Variants in MED14 observed in about 807,000 individuals in gnomAD.
MED14 encodes the protein mediator complex subunit 14.
MED14 carries 8 observed loss-of-function variants against 109.0 expected under a neutral mutation model. That is an observed-to-expected ratio of 0.07 (90% CI 0.04 to 0.13). MED14 has a LOEUF of 0.13. Ranked by LOEUF, MED14 falls within the 10% of genes least tolerant of loss-of-function variation. The pLI is 1.00. For missense variants in MED14, 711 were observed against 1,142.4 expected, an observed-to-expected ratio of 0.62 and a Z score of 5.44; for synonymous variants, 399 against 408.7, an observed-to-expected ratio of 0.98 and a Z score of 0.29.
At chrX:40,691,130 A>G (rs1930485246) in intron 15 of MED14, among the ~76,000 whole-genome samples, 1 of 112,518 alleles carries the variant, frequency 8.9e-6, no homozygotes, top group Admixed American at 9.4e-5. Flanking sequence ...TGGAAATACA[A>G]AAAGTGCAGG....
intron 23 of MED14, among the ~76,000 whole-genome samples, chrX:40,667,474 T>C (rs1463693054): frequency 2.7e-5 from 3 of 111,770 alleles, no homozygotes; most frequent in Admixed American, 9.5e-5. Context: ...GAAGCAGTTA[T>C]CAGGGAGGAA....
At chrX:40,716,315 G>A (rs1160033288) in intron 3 of MED14, among the ~76,000 whole-genome samples, 1 of 111,351 alleles carries the variant, frequency 9.0e-6, no homozygotes, top group Non-Finnish European at 1.9e-5. Context: ...AAAATAGGCT[G>A]TGTGTGGTGG....
intron 3 of MED14, among the ~76,000 whole-genome samples, chrX:40,723,383 G>A (rs758216486): frequency 3.6e-5 from 4 of 111,170 alleles, no homozygotes; most frequent in Non-Finnish European, 7.6e-5. Flanking sequence ...ACCATACAAT[G>A]GGCCGGGCGC....
At chrX:40,725,170 A>C (rs1931855155) in intron 3 of MED14, among the ~76,000 whole-genome samples, 2 of 111,989 alleles carry the variant, frequency 1.8e-5, no homozygotes, top group South Asian at 7.4e-4. Context: ...GCTATAATTC[A>C]TTATATTAAT....
At chrX:40,701,645 C>A (rs1187863853) in intron 11 of MED14, among the ~76,000 whole-genome samples, 2 of 111,711 alleles carry the variant, frequency 1.8e-5, no homozygotes, top group Non-Finnish European at 3.8e-5. Context: ...AAAAACTCCA[C>A]TGAAATATTT....
chrX:40,720,275 G>A lies in MED14; in HGVS notation c.349-5565C>T, dbSNP rs182438338. On this transcript the variant is annotated intron_variant, in intron 3 of 30. Coordinates refer to ENST00000324817, the MANE Select transcript of MED14 (RefSeq NM_004229.4). ...ACTTCATATCACTGAAAGAGGCATT[G>A]AGGAGGGCAGGAGAGGCAGTCTTGA... Among the ~76,000 whole-genome samples the A allele has an allele frequency of 4.5e-5, 5 of 112,177 alleles. No individual in the cohort carries two copies. The East Asian group carries it at 1.4e-3, about 31-fold the overall frequency.
chrX:40,668,383 C>CAAAAAAAAAAAAAAAAAA (rs779386609), intron 23 of MED14, among the ~76,000 whole-genome samples: 1 of 43,329 alleles, frequency 2.3e-5, no homozygotes, highest in East Asian at 7.2e-4. Flanking sequence ...ACTCTGTCTC[C>CAAAAAAAAAAAAAAAAAA]AAAAAAAAAA....
At chrX:40,671,488 T>C (rs1053822367) in intron 23 of MED14, among the ~76,000 whole-genome samples, 6 of 112,034 alleles carry the variant, frequency 5.4e-5, no homozygotes, top group African/African-American at 1.9e-4. Flanking sequence ...GCCATAGACA[T>C]TATATAAACA....
chrX:40,718,903 T>C (rs1316962878), intron 3 of MED14, among the ~76,000 whole-genome samples: 2 of 111,979 alleles, frequency 1.8e-5, no homozygotes, highest in Admixed American at 9.5e-5. Flanking sequence ...TCCATTCACA[T>C]AGTCTTAGTT....
intron 19 of MED14, among the ~76,000 whole-genome samples, 180 bp from the exon 20 acceptor site, chrX:40,681,090 AC>A (rs1316804470): frequency 4.4e-5 from 5 of 112,771 alleles, no homozygotes; most frequent in Non-Finnish European, 9.4e-5. Flanking sequence ...ATTGAACAGT[AC>A]ACTCCCTGAC....
At chrX:40,689,952 T>C (rs1350099085) in intron 15 of MED14, among the ~76,000 whole-genome samples, 1 of 111,924 alleles carries the variant, frequency 8.9e-6, no homozygotes, top group African/African-American at 3.2e-5. Flanking sequence ...GACGTATGTC[T>C]ACAGTCATTA....
intron 12 of MED14, among the ~76,000 whole-genome samples, chrX:40,700,690 T>C (rs189156404): frequency 9.0e-6 from 1 of 111,649 alleles, no homozygotes; most frequent in East Asian, 2.8e-4. Context: ...TCTAGCTCCA[T>C]TTTCAATTTT....
At chrX:40,709,210 A>C in intron 10 of MED14, 138 bp downstream of exon 10, 1 of 311,268 alleles carries the variant, frequency 3.2e-6, no homozygotes, top group East Asian at 4.9e-5. Flanking sequence ...TTGGCAGATC[A>C]CAAGTTAAAA....
At chrX:40,661,055 C>T (rs913093303) in intron 26 of MED14, among the ~76,000 whole-genome samples, 1 of 111,831 alleles carries the variant, frequency 8.9e-6, no homozygotes, top group African/African-American at 3.3e-5. Flanking sequence ...GCTGGAATTA[C>T]AGGCATGTGC....
In MED14 at chrX:40,659,332, A is replaced by C. The variant is rs371448258; in HGVS notation, c.3867T>G (p.Val1289=). ...QVLEKFFETR[V]AGPPFKANTL... ...TATTAGCTTTAAATGGTGGTCCTGC[A>C]ACCTACAGGGATAAATAAAGCAAGT... The change falls in exon 28 of 31, where the codon GTT becomes GTG. Residue 1289 remains valine (V), a splice_region_variant and synonymous_variant. Transcript: ENST00000324817. The C allele has an allele frequency of 1.3e-4, 150 of 1,173,233 alleles. No individual in the cohort carries two copies. The highest frequency in any genetic ancestry group is 1.6e-4 in the Non-Finnish European group (143 of 872,259).
Position 40,649,487 on chromosome X carries a change from C to A in MED14, c.*2319G>T. On this transcript the variant is annotated 3_prime_UTR_variant, in exon 31 of 31. Coordinates refer to ENST00000324817, the MANE Select transcript of MED14 (RefSeq NM_004229.4). ...TTCTTATTTCAAGGTTAAATTAATA[C>A]TAAACCAGACTATTAATGAAAACAT... 1 of 487,303 alleles carries A rather than the reference C, an allele frequency of 2.1e-6. No individual in the cohort carries two copies. Among genetic ancestry groups the A allele is most frequent in the Non-Finnish European group, 2.8e-6 (1 of 362,739 alleles). 40.2% of individuals were successfully genotyped at this position (487,303 alleles called of 1,213,427 possible).
intron 15 of MED14, among the ~76,000 whole-genome samples, chrX:40,690,508 A>G (rs898401214): frequency 2.7e-5 from 3 of 110,998 alleles, no homozygotes; most frequent in African/African-American, 9.8e-5. Context: ...TCCGCCTCCC[A>G]GGTTCAAGCA....
chrX:40,701,409 C>T (rs757229641), intron 11 of MED14, among the ~76,000 whole-genome samples, 166 bp from the exon 12 acceptor site: 1 of 111,696 alleles, frequency 9.0e-6, no homozygotes, highest in African/African-American at 3.3e-5. Flanking sequence ...TAGATATAAG[C>T]CAACCTAATT....
At chrX:40,665,480 C>T (rs1929442128) in intron 24 of MED14, among the ~76,000 whole-genome samples, 1 of 111,461 alleles carries the variant, frequency 9.0e-6, no homozygotes, top group Non-Finnish European at 1.9e-5. Flanking sequence ...TTGCAGTGCA[C>T]TGAGACTGCA....
Sources: allele counts gnomAD v4.1 joint callset (sites outside exome capture counted in the v4.1 genomes callset), GRCh38; gene constraint gnomAD v4.1.1; transcripts MANE v1.5; gene names NCBI Gene and HGNC (gene_info 2026-07-23, HGNC 2026-07-21).